Variants in GALNT1 observed in about 807,000 individuals in gnomAD.
The protein encoded by GALNT1 is polypeptide N-acetylgalactosaminyltransferase 1.
GALNT1 carries 17 observed loss-of-function variants against 65.7 expected under a neutral mutation model. That is an observed-to-expected ratio of 0.26 (90% CI 0.18 to 0.39). The LOEUF (loss-of-function observed/expected upper bound fraction) is 0.39, where lower values mean the gene tolerates loss of function less well. GALNT1 is among the 10% of genes least tolerant of loss of function. The pLI is 1.00. For synonymous variants in GALNT1, 210 were observed against 219.7 expected (o/e 0.96, Z 0.39); for missense variants, 460 against 672.8 (o/e 0.68, Z 3.50).
intron 8 of GALNT1, 42 bp downstream of exon 8, chr18:35,691,234 G>A: frequency 6.6e-7 from 1 of 1,517,332 alleles, no homozygotes; most frequent in Non-Finnish European, 8.9e-7. Flanking sequence ...CTGTACCTTT[G>A]TTGACCCTGA....
At chr18:35,617,833 C>T (rs2046804021) in intron 1 of GALNT1, among the ~76,000 whole-genome samples, 2 of 152,052 alleles carry the variant, frequency 1.3e-5, no homozygotes, top group Admixed American at 1.3e-4. Context: ...AAACTCAAAA[C>T]AAGATCAACA....
At chr18:35,601,693 C>T (rs1314876352) in intron 1 of GALNT1, among the ~76,000 whole-genome samples, 1 of 152,104 alleles carries the variant, frequency 6.6e-6, no homozygotes, top group Non-Finnish European at 1.5e-5. Flanking sequence ...TTTGTTGAGA[C>T]TTGTTTTGTG....
At chr18:35,703,090 C>A in intron 10 of GALNT1, 95 bp downstream of exon 10, 1 of 676,924 alleles carries the variant, frequency 1.5e-6, no homozygotes, top group South Asian at 3.0e-5. Context: ...GAAATATTTT[C>A]CTTCCTTTAA....
At chr18:35,646,919 T>C (rs940260442) in intron 1 of GALNT1, among the ~76,000 whole-genome samples, 2 of 152,110 alleles carry the variant, frequency 1.3e-5, no homozygotes, top group Non-Finnish European at 2.9e-5. Flanking sequence ...TAACGTTTCT[T>C]CCCATCTTCT....
In GALNT1 at chr18:35,710,019, C is replaced by CT; in HGVS notation, c.*252dup. On this transcript the variant is annotated 3_prime_UTR_variant, in exon 12 of 12. Coordinates refer to ENST00000269195, the MANE Select transcript of GALNT1 (RefSeq NM_020474.4). ...CTGATGTTTACAAGATTGAAAGAGT[C>CT]TTTCTCCGAAAATCATGGTAAAGAA... 1 of 376,520 alleles carries CT rather than the reference C, an allele frequency of 2.7e-6. No individual in the cohort carries two copies. The highest frequency in any genetic ancestry group is 4.8e-6 in the Non-Finnish European group (1 of 207,074). The allele number at this position is 376,520 out of a possible 1,614,324, so 23.3% of individuals were successfully genotyped here.
rs112978938 is a variant in GALNT1, at chr18:35,640,107, A to G, written c.-103-14453A>G. Reference sequence around the variant, plus strand: ...GCCACCATGTCCAGCCTTAACTACTAGATTTCTTTTGCAGTATTTGGAATA... The same window carrying G: ...GCCACCATGTCCAGCCTTAACTACTGGATTTCTTTTGCAGTATTTGGAATA... On this transcript the variant is annotated intron_variant, in intron 1 of 11. Transcript: ENST00000269195. Among the ~76,000 whole-genome samples the G allele has an allele frequency of 6.4e-3, 974 of 152,326 alleles. 19 individuals carry two copies. Among genetic ancestry groups the G allele is most frequent in the African/African-American group, 0.022 (924 of 41,584 alleles).
intron 1 of GALNT1, among the ~76,000 whole-genome samples, chr18:35,648,481 T>A (rs1201871277): frequency 6.6e-6 from 1 of 152,246 alleles, no homozygotes; most frequent in East Asian, 1.9e-4. Flanking sequence ...TACCCCATCA[T>A]AAGTCGAGAA....
intron 1 of GALNT1, 94 bp downstream of exon 1, chr18:35,581,956 C>G (rs994942814): frequency 3.9e-5 from 6 of 151,930 alleles, no homozygotes; most frequent in African/African-American, 7.3e-5. Flanking sequence ...GCCGCGTCCC[C>G]GGTCCCTTTG....
At chr18:35,657,454 G>T (rs891530539) in intron 2 of GALNT1, among the ~76,000 whole-genome samples, 1 of 152,168 alleles carries the variant, frequency 6.6e-6, no homozygotes, top group Non-Finnish European at 1.5e-5. Context: ...GAGAATGGTC[G>T]AGATGGAGAA....
chr18:35,651,423 G>A (rs530415992), intron 1 of GALNT1, among the ~76,000 whole-genome samples: 1 of 152,186 alleles, frequency 6.6e-6, no homozygotes, highest in South Asian at 2.1e-4. Flanking sequence ...ATTTTTTCTA[G>A]TAATGAAAAA....
chr18:35,702,914 G>A lies in GALNT1; in HGVS notation c.1317G>A (p.Thr439=), dbSNP rs551436001. The A allele has an allele frequency of 6.2e-7, 1 of 1,604,154 alleles. No individual in the cohort carries two copies. The highest frequency in any genetic ancestry group is 8.5e-7 in the Non-Finnish European group (1 of 1,176,850). ...TCCCATAGATACGAAATGTGGAAAC[G>A]AATCAGTGTCTAGATAACATGGCTA... The part of the protein sequence containing the change: ...FSLGEIRNVE[T]NQCLDNMARK... Residue 439 remains threonine, a synonymous_variant, in exon 10 of 12, where the codon ACG becomes ACA. Coordinates refer to ENST00000269195, the MANE Select transcript of GALNT1 (RefSeq NM_020474.4).
chr18:35,604,376 T>A (rs1265998769), intron 1 of GALNT1, among the ~76,000 whole-genome samples: 1 of 152,212 alleles, frequency 6.6e-6, no homozygotes, highest in Non-Finnish European at 1.5e-5. Context: ...AGTGCTGCGA[T>A]AAACATACAC....
intron 1 of GALNT1, among the ~76,000 whole-genome samples, chr18:35,652,449 A>G (rs2047323283): frequency 6.6e-6 from 1 of 151,964 alleles, no homozygotes; most frequent in Non-Finnish European, 1.5e-5. Context: ...TGCCATTTTC[A>G]TCGGCCACAT....
intron 1 of GALNT1, among the ~76,000 whole-genome samples, chr18:35,653,638 T>C (rs1387996180): frequency 6.6e-6 from 1 of 152,240 alleles, no homozygotes; most frequent in Non-Finnish European, 1.5e-5. Flanking sequence ...CAGGAGATTC[T>C]CTACCTCTCT....
chr18:35,679,053 A>G (rs1164673702), intron 4 of GALNT1, among the ~76,000 whole-genome samples: 3 of 152,222 alleles, frequency 2.0e-5, no homozygotes, highest in Non-Finnish European at 4.4e-5. Flanking sequence ...AATACATTAT[A>G]TAATTACATG....
intron 3 of GALNT1, among the ~76,000 whole-genome samples, chr18:35,670,017 C>T (rs1043311816): frequency 1.3e-4 from 20 of 152,138 alleles, no homozygotes; most frequent in Non-Finnish European, 2.2e-4. Context: ...AGACCGGTCA[C>T]GGTGACTCAC....
At chr18:35,690,914 C>A in intron 7 of GALNT1, 98 bp from the exon 8 acceptor site, 1 of 1,119,666 alleles carries the variant, frequency 8.9e-7, no homozygotes, top group Non-Finnish European at 1.3e-6. Flanking sequence ...AAAGCCAAAC[C>A]CCTATTTAAT....
At chr18:35,707,430 C>T (rs2048281298) in intron 11 of GALNT1, among the ~76,000 whole-genome samples, 1 of 152,186 alleles carries the variant, frequency 6.6e-6, no homozygotes, top group East Asian at 1.9e-4. Context: ...GCTGTGATGA[C>T]AGCATCCTAC....
At chr18:35,619,247 C>G (rs1007478403) in intron 1 of GALNT1, among the ~76,000 whole-genome samples, 1 of 152,084 alleles carries the variant, frequency 6.6e-6, no homozygotes, top group Non-Finnish European at 1.5e-5. Flanking sequence ...GGCCAAAAAT[C>G]TAAAATCTAC....
Sources: gnomAD v4.1 joint callset for allele counts (sites outside exome capture counted in the v4.1 genomes callset) on GRCh38, gnomAD v4.1.1 for gene constraint, MANE v1.5 for transcripts, NCBI Gene and HGNC (gene_info 2026-07-23, HGNC 2026-07-21) for gene names.